Variants in GABRG3 observed in about 807,000 individuals in gnomAD.
The protein encoded by GABRG3 is gamma-aminobutyric acid receptor subunit gamma-3.
Under a neutral mutation model 48.8 loss-of-function variants are expected in GABRG3, and 25 were observed. The ratio of observed to expected loss-of-function variants is 0.51; its 90% CI spans 0.37 to 0.72. GABRG3 has a LOEUF of 0.72. Ranked by LOEUF, GABRG3 falls within the 30% of genes least tolerant of loss-of-function variation. The probability of loss-of-function intolerance (pLI) is 0.00; values close to 1 mark genes in which losing one functional copy is unlikely to be tolerated. For synonymous variants in GABRG3, 227 were observed against 217.6 expected, an observed-to-expected ratio of 1.04 and a Z score of -0.38; for missense variants, 394 against 577.9, an observed-to-expected ratio of 0.68 and a Z score of 3.26.
chr15:27,453,886 G>A (rs1223671760), intron 5 of GABRG3, among the ~76,000 whole-genome samples: 1 of 152,206 alleles, frequency 6.6e-6, no homozygotes, highest in Non-Finnish European at 1.5e-5. Flanking sequence ...ACAGGCATGA[G>A]CCACCACACC....
chr15:27,377,822 G>A (rs1353361203), intron 5 of GABRG3, among the ~76,000 whole-genome samples: 1 of 152,178 alleles, frequency 6.6e-6, no homozygotes, highest in African/African-American at 2.4e-5. Context: ...TGTATATATG[G>A]AGTCTTTAGA....
At chr15:27,061,454 T>A (rs1165463808) in intron 3 of GABRG3, among the ~76,000 whole-genome samples, 1 of 152,136 alleles carries the variant, frequency 6.6e-6, no homozygotes, top group Non-Finnish European at 1.5e-5. Flanking sequence ...CTCTTTTTTT[T>A]TTTTTTTGTT....
chr15:27,067,793 G>A (rs966106970), intron 3 of GABRG3, among the ~76,000 whole-genome samples: 3 of 152,152 alleles, frequency 2.0e-5, no homozygotes, highest in African/African-American at 4.8e-5. Flanking sequence ...CAGCTATCCT[G>A]TACTAATCTC....
intron 7 of GABRG3, 81 bp downstream of exon 7, chr15:27,520,205 G>T: frequency 7.6e-7 from 1 of 1,318,338 alleles, no homozygotes; most frequent in Non-Finnish European, 1.1e-6. Flanking sequence ...CAATGTAAAA[G>T]ACTATTTAAA....
chr15:27,092,100 A>C (rs1897195741), intron 3 of GABRG3, among the ~76,000 whole-genome samples: 1 of 152,138 alleles, frequency 6.6e-6, no homozygotes, highest in Non-Finnish European at 1.5e-5. Flanking sequence ...TTTACTGTGG[A>C]GTTTAAAGAG....
chr15:27,081,148 T>C lies in GABRG3; in HGVS notation c.270+54327T>C, dbSNP rs147725054. Among the ~76,000 whole-genome samples, 206 of 152,276 alleles carry C rather than the reference T, an allele frequency of 1.4e-3. 1 individual carries two copies. The highest frequency in any genetic ancestry group is 4.6e-3 in the African/African-American group (190 of 41,566). ...CTGAGCAGTAATAAATGGCTGTTGC[T>C]TTAAGCCAGTGAGTGTTGGTTATAG... On this transcript the variant is annotated intron_variant, in intron 3 of 9. Coordinates refer to ENST00000615808, the MANE Select transcript of GABRG3 (RefSeq NM_033223.5).
At chr15:27,154,333 C>A (rs180719277) in intron 3 of GABRG3, among the ~76,000 whole-genome samples, 5 of 152,080 alleles carry the variant, frequency 3.3e-5, no homozygotes, top group African/African-American at 1.2e-4. Context: ...CCTTTTATTT[C>A]TTTCTTTTGC....
chr15:27,293,304 C>T (rs1233779110), intron 3 of GABRG3, among the ~76,000 whole-genome samples: 1 of 152,010 alleles, frequency 6.6e-6, no homozygotes, highest in Admixed American at 6.6e-5. Context: ...TAACAAAGAT[C>T]TGATAAAAAA....
rs542978108 is a variant in GABRG3 at position 27,382,514 on chromosome 15, G to A, written c.574+53626G>A. Reference sequence around the variant, plus strand: ...GGAGGGCACCATATGGCTTTCACTCGGAGTGAAAATGGGAGCCACTGGAGA... The same window carrying A: ...GGAGGGCACCATATGGCTTTCACTCAGAGTGAAAATGGGAGCCACTGGAGA... On this transcript the variant is annotated intron_variant, in intron 5 of 9. Transcript: ENST00000615808. 5.9e-5 allele frequency among the ~76,000 whole-genome samples: 9 copies of A among 152,272 alleles called. No individual in the cohort carries two copies. In the South Asian group the frequency reaches 1.0e-3, roughly 18 times the overall value.
intron 5 of GABRG3, among the ~76,000 whole-genome samples, chr15:27,401,471 G>A (rs775982000): frequency 1.3e-5 from 2 of 152,190 alleles, no homozygotes; most frequent in African/African-American, 4.8e-5. Context: ...TTGAAAATGT[G>A]TGAACTTTTT....
At chr15:27,212,831 G>C (rs143293681) in intron 3 of GABRG3, among the ~76,000 whole-genome samples, 1 of 152,116 alleles carries the variant, frequency 6.6e-6, no homozygotes, top group African/African-American at 2.4e-5. Context: ...GAGTCTTATG[G>C]TATTTGTCCT....
At chr15:27,398,374 T>C (rs1310149476) in intron 5 of GABRG3, among the ~76,000 whole-genome samples, 2 of 152,200 alleles carry the variant, frequency 1.3e-5, no homozygotes, top group Non-Finnish European at 2.9e-5. Flanking sequence ...AATTGACTTA[T>C]TTACTCTCAT....
intron 3 of GABRG3, among the ~76,000 whole-genome samples, chr15:27,073,985 G>A (rs569051247): frequency 2.0e-5 from 3 of 152,176 alleles, no homozygotes; most frequent in South Asian, 2.1e-4. Flanking sequence ...ACAGTTCCAC[G>A]TGGCTGGGGA....
At chr15:27,153,026 A>T (rs1898348567) in intron 3 of GABRG3, among the ~76,000 whole-genome samples, 1 of 151,980 alleles carries the variant, frequency 6.6e-6, no homozygotes, top group Non-Finnish European at 1.5e-5. Context: ...ACTCCCGGCT[A>T]ATTTTTTGTA....
At chr15:27,003,158 ATTT>A (rs979935665) in intron 2 of GABRG3, among the ~76,000 whole-genome samples, 1 of 144,224 alleles carries the variant, frequency 6.9e-6, no homozygotes, top group African/African-American at 2.6e-5. Context: ...AATAGTTTTT[ATTT>A]TTTTATTTTT....
chr15:27,277,031 T>G (rs1160076125), intron 3 of GABRG3, among the ~76,000 whole-genome samples: 1 of 152,180 alleles, frequency 6.6e-6, no homozygotes, highest in Admixed American at 6.5e-5. Flanking sequence ...TGGTAACTAA[T>G]AAGATGCTCA....
At chr15:27,003,201 A>T (rs1007982922) in intron 2 of GABRG3, among the ~76,000 whole-genome samples, 7 of 139,204 alleles carry the variant, frequency 5.0e-5, no homozygotes, top group Admixed American at 2.9e-4. Flanking sequence ...TTTTTATTTT[A>T]TATTTATTTA....
At chr15:27,109,273 G>C (rs1386634031) in intron 3 of GABRG3, among the ~76,000 whole-genome samples, 2 of 152,122 alleles carry the variant, frequency 1.3e-5, no homozygotes, top group Non-Finnish European at 1.5e-5. Context: ...ACTACATGCT[G>C]TTTCCCTTAC....
chr15:27,443,198 ACCCT>A (rs1236948115), intron 5 of GABRG3, among the ~76,000 whole-genome samples: 3 of 152,326 alleles, frequency 2.0e-5, no homozygotes, highest in African/African-American at 7.2e-5. Context: ...CAAAGGGAAG[ACCCT>A]GTGAGGACCT....
Sources: allele counts gnomAD v4.1 joint callset (sites outside exome capture counted in the v4.1 genomes callset), GRCh38; gene constraint gnomAD v4.1.1; transcripts MANE v1.5; gene names NCBI Gene and HGNC (gene_info 2026-07-23, HGNC 2026-07-21).